The following FYTTD1 variants were observed in gnomAD, a reference collection of about 807,000 sequenced individuals.
FYTTD1 encodes forty-two-three domain containing 1, also known as UAP56-interacting factor.
Under a neutral mutation model 40.9 loss-of-function variants are expected in FYTTD1, and 22 were observed. The observed-to-expected ratio is 0.54, with a 90% CI of 0.38 to 0.77. The LOEUF (loss-of-function observed/expected upper bound fraction) is 0.77. FYTTD1 is among the 30% of genes least tolerant of loss of function. The probability of loss-of-function intolerance (pLI) is 0.00; values close to 1 mark genes in which losing one functional copy is unlikely to be tolerated. For synonymous variants in FYTTD1, 140 were observed against 137.9 expected (o/e 1.01, Z -0.10); for missense variants, 351 against 392.2 (o/e 0.90, Z 0.89).
intron 2 of FYTTD1, among the ~76,000 whole-genome samples, chr3:197,758,723 T>C (rs1729280256): frequency 6.6e-6 from 1 of 152,176 alleles, no homozygotes; most frequent in African/African-American, 2.4e-5. Flanking sequence ...CGGGCTAAAA[T>C]AGAACAGCTG....
At chr3:197,780,633 C>T (rs892455789) in intron 8 of FYTTD1, among the ~76,000 whole-genome samples, 8 of 151,914 alleles carry the variant, frequency 5.3e-5, no homozygotes, top group Non-Finnish European at 8.8e-5. Context: ...ACCTCTGCCT[C>T]CTGGGTTCAA....
chr3:197,767,874 T>C (rs7615276), intron 2 of FYTTD1, among the ~76,000 whole-genome samples: 4,133 of 152,300 alleles, frequency 0.027, 164 homozygotes, highest in African/African-American at 0.093. Context: ...GCAATTTGAA[T>C]GGAGTAGGGT....
chr3:197,772,800 G>A (rs1729756781), intron 4 of FYTTD1, among the ~76,000 whole-genome samples: 1 of 151,994 alleles, frequency 6.6e-6, no homozygotes, highest in South Asian at 2.1e-4. Context: ...GTAGAGACGG[G>A]GTTTTACCAT....
chr3:197,767,721 G>A (rs1024209902), intron 2 of FYTTD1, among the ~76,000 whole-genome samples: 4 of 152,260 alleles, frequency 2.6e-5, no homozygotes, highest in Non-Finnish European at 5.9e-5. Flanking sequence ...CCCAAGTGCC[G>A]GGATTACAGG....
intron 3 of FYTTD1, among the ~76,000 whole-genome samples, chr3:197,769,920 C>T (rs1729666422): frequency 6.6e-6 from 1 of 152,098 alleles, no homozygotes; most frequent in South Asian, 2.1e-4. Flanking sequence ...TGTGGGTCCC[C>T]CGAGTACCTC....
In FYTTD1 at chr3:197,756,496, C is replaced by T; in HGVS notation, c.174C>T (p.Leu58=). The T allele has an allele frequency of 1.2e-6, 2 of 1,612,724 alleles. No homozygotes were observed. Residue 58 remains leucine (L), a synonymous_variant, in exon 2 of 9, where the codon CTC becomes CTT. Transcript: ENST00000241502. The part of the protein sequence containing the change: ...QNFPRLNRRL[L]QQSGAQQFRM... ...TTCCAAGACTAAATAGAAGACTCCT[C>T]CAGCAAAGTGGTGCCCAGCAATTCA...
chr3:197,765,394 G>A (rs1447848176), intron 2 of FYTTD1, among the ~76,000 whole-genome samples: 1 of 152,108 alleles, frequency 6.6e-6, no homozygotes, highest in African/African-American at 2.4e-5. Flanking sequence ...ATAGTACTCA[G>A]CACAGTGCCT....
In FYTTD1 at chr3:197,770,177, C is replaced by A. The variant is rs1287459263; in HGVS notation, c.430C>A (p.Leu144Met). 2.5e-6 allele frequency: 4 copies of A among 1,612,924 alleles called. No individual in the cohort carries two copies. The South Asian group carries it at 4.4e-5, about 18-fold the overall frequency. The change falls in exon 4 of 9, where the codon CTG becomes ATG. Residue 144 changes from leucine (L) to methionine (M), a missense_variant. Physicochemically the swap from Leu to Met is conservative, Grantham distance 15 (BLOSUM62 2). Coordinates refer to ENST00000241502, the MANE Select transcript of FYTTD1 (RefSeq NM_032288.7). ...AGTGTTAAAAAGGAAGGCAAACCTTCTGAGACAAAATGAAGGGCAGAGGAA... is the reference window on the plus strand; with the variant it reads ...AGTGTTAAAAAGGAAGGCAAACCTTATGAGACAAAATGAAGGGCAGAGGAA... ...FPVLKRKANL[L>M]RQNEGQRKPV...
Position 197,770,176 on chromosome 3 carries a change from T to TC in FYTTD1, c.430dup (p.Leu144ProfsTer5). On this transcript the variant is annotated frameshift_variant, in exon 4 of 9. Coordinates refer to ENST00000241502, the MANE Select transcript of FYTTD1 (RefSeq NM_032288.7). LOFTEE classifies it high-confidence loss of function. ...CAGTGTTAAAAAGGAAGGCAAACCT[T>TC]CTGAGACAAAATGAAGGGCAGAGGA... 6.2e-7 allele frequency: 1 copy of TC among 1,612,924 alleles called. No individual in the cohort carries two copies. The highest frequency in any genetic ancestry group is 8.5e-7 in the Non-Finnish European group (1 of 1,179,234).
At chr3:197,773,523 T>TTTTGTTTGTTTG (rs3830497) in intron 5 of FYTTD1, 24 bp downstream of exon 5, 1 of 1,012,132 alleles carries the variant, frequency 9.9e-7, no homozygotes, top group Non-Finnish European at 1.5e-6. Flanking sequence ...TTGGCAGTGT[T>TTTTGTTTGTTTG]TTTGTTTGTT....
intron 1 of FYTTD1, among the ~76,000 whole-genome samples, chr3:197,753,972 CCT>C (rs1245670245): frequency 6.6e-6 from 1 of 152,126 alleles, no homozygotes; most frequent in African/African-American, 2.4e-5. Flanking sequence ...GATCTCCTGA[CCT>C]CATGATCCGC....
In FYTTD1 at chr3:197,778,401, T is replaced by C; in HGVS notation, c.795T>C (p.Ser265=). Residue 265 remains serine (S), a synonymous_variant, in exon 8 of 9, where the codon AGT becomes AGC. Coordinates refer to ENST00000241502, the MANE Select transcript of FYTTD1 (RefSeq NM_032288.7). ...CATTTTTAACAAAGCGGGAGCAAAG[T>C]GACGTCAAGAAAGTTCCTAAAGGTG... ...VPSFLTKREQ[S]DVKKVPKGVP... 6.2e-7 allele frequency: 1 copy of C among 1,611,946 alleles called. No homozygotes were observed. Among genetic ancestry groups the C allele is most frequent in the Non-Finnish European group, 8.5e-7 (1 of 1,178,220 alleles).
chr3:197,750,527 C>T (rs1206899902), intron 1 of FYTTD1: 2 of 985,406 alleles, frequency 2.0e-6, no homozygotes, highest in Non-Finnish European at 1.2e-6. Flanking sequence ...TTGGAGAGCC[C>T]GGCCGGGGCT....
intron 7 of FYTTD1, among the ~76,000 whole-genome samples, chr3:197,777,248 A>T (rs1050242937): frequency 2.0e-5 from 3 of 152,210 alleles, no homozygotes; most frequent in Non-Finnish European, 4.4e-5. Flanking sequence ...AATTATGTGC[A>T]TGTATACTCT....
intron 2 of FYTTD1, among the ~76,000 whole-genome samples, chr3:197,766,430 GGTGTGTGTGT>G (rs111725145): frequency 1.5e-5 from 2 of 134,996 alleles, no homozygotes; most frequent in East Asian, 2.3e-4. Context: ...GTTTGAGACT[GGTGTGTGTGT>G]GTGTGTGTGT....
intron 4 of FYTTD1, among the ~76,000 whole-genome samples, chr3:197,771,095 C>T (rs897200743): frequency 6.6e-6 from 1 of 152,144 alleles, no homozygotes; most frequent in African/African-American, 2.4e-5. Flanking sequence ...TGGCATGTGC[C>T]TGTGGTCCCA....
At chr3:197,767,136 T>G (rs1227470144) in intron 2 of FYTTD1, among the ~76,000 whole-genome samples, 1 of 152,104 alleles carries the variant, frequency 6.6e-6, no homozygotes, top group Non-Finnish European at 1.5e-5. Context: ...TCCCAATTTA[T>G]TTTTTATTTA....
At chr3:197,760,184 G>A (rs1580450236) in intron 2 of FYTTD1, among the ~76,000 whole-genome samples, 1 of 152,202 alleles carries the variant, frequency 6.6e-6, no homozygotes, top group East Asian at 1.9e-4. Flanking sequence ...TTCCTCAGTG[G>A]TAGAACATAT....
Position 197,756,454 on chromosome 3 carries a change from A to G in FYTTD1, c.132A>G (p.Glu44=), listed in dbSNP as rs150632366. 1,702 of 1,606,688 alleles carry G rather than the reference A, an allele frequency of 1.1e-3. 13 individuals are homozygous for G. In the African/African-American group the frequency reaches 0.017, roughly 16 times the overall value. ...ATATCATCAAGTTGAATCGAAAGGA[A>G]GGGAAGAAGCAGAATTTTCCAAGAC... The part of the protein sequence containing the change: ...LDDIIKLNRK[E]GKKQNFPRLN... Residue 44 remains glutamate (E), a synonymous_variant, in exon 2 of 9, where the codon GAA becomes GAG. Transcript: ENST00000241502.
Sources: gnomAD v4.1 joint callset for allele counts (sites outside exome capture counted in the v4.1 genomes callset) on GRCh38, gnomAD v4.1.1 for gene constraint, MANE v1.5 for transcripts, NCBI Gene and HGNC (gene_info 2026-07-23, HGNC 2026-07-21) for gene names.